Variants in HECW2 observed in about 807,000 individuals in gnomAD.
HECW2 encodes HECT, C2 and WW domain containing E3 ubiquitin protein ligase 2.
Under a neutral mutation model 175.2 loss-of-function variants are expected in HECW2, and 61 were observed. The observed-to-expected ratio is 0.35, with a 90% confidence interval of 0.28 to 0.43. HECW2 has a LOEUF of 0.43. Ranked by LOEUF, HECW2 falls within the 20% of genes least tolerant of loss-of-function variation. The pLI, the probability that HECW2 is intolerant of heterozygous loss-of-function variation, is 1.00. For synonymous variants in HECW2, 671 were observed against 731.0 expected (o/e 0.92, Z 1.32); for missense variants, 1,524 against 2,000.5 (o/e 0.76, Z 4.54).
At chr2:196,362,818 C>A (rs1214880261) in intron 2 of HECW2, among the ~76,000 whole-genome samples, 1 of 152,102 alleles carries the variant, frequency 6.6e-6, no homozygotes, top group Non-Finnish European at 1.5e-5. Context: ...GCTGTTAGCC[C>A]ACCTGTGTCA....
chr2:196,478,514 C>G (rs1411258605), intron 1 of HECW2, among the ~76,000 whole-genome samples: 1 of 152,140 alleles, frequency 6.6e-6, no homozygotes, highest in African/African-American at 2.4e-5. Flanking sequence ...ACCCAACAAA[C>G]TGAGTGGATT....
intron 1 of HECW2, among the ~76,000 whole-genome samples, chr2:196,515,496 T>C (rs1688116059): frequency 6.6e-6 from 1 of 152,182 alleles, no homozygotes. Flanking sequence ...GGCGAGCACA[T>C]CACTGACCAG....
chr2:196,356,588 C>T (rs1348180100), intron 2 of HECW2, among the ~76,000 whole-genome samples: 5 of 152,128 alleles, frequency 3.3e-5, no homozygotes, highest in African/African-American at 1.2e-4. Context: ...GATCAGCTGT[C>T]ATGGTATCTC....
chr2:196,329,797 C>T, intron 4 of HECW2, 147 bp from the exon 5 acceptor site: 1 of 592,802 alleles, frequency 1.7e-6, no homozygotes, highest in Non-Finnish European at 3.0e-6. Context: ...AATCTTGGAA[C>T]AGAGACACAA....
chr2:196,443,832 C>G (rs1223666508), intron 1 of HECW2, among the ~76,000 whole-genome samples: 1 of 152,162 alleles, frequency 6.6e-6, no homozygotes, highest in African/African-American at 2.4e-5. Context: ...GAGTTGGAGA[C>G]CAGCCTGGCC....
At chr2:196,244,255 A>C (rs1688566444) in intron 19 of HECW2, among the ~76,000 whole-genome samples, 1 of 152,222 alleles carries the variant, frequency 6.6e-6, no homozygotes, top group Non-Finnish European at 1.5e-5. Context: ...TAAGTCCTGA[A>C]CTAGGTATAC....
chr2:196,225,401 G>A (rs2105831011), intron 23 of HECW2, among the ~76,000 whole-genome samples: 1 of 152,288 alleles, frequency 6.6e-6, no homozygotes, highest in East Asian at 1.9e-4. Context: ...ATAAAGGAGA[G>A]GGGGGCTGTG....
chr2:196,272,645 TTATGTA>T (rs2105967045), intron 16 of HECW2, among the ~76,000 whole-genome samples: 1 of 152,294 alleles, frequency 6.6e-6, no homozygotes, highest in East Asian at 1.9e-4. Context: ...TCTATTTTAG[TTATGTA>T]TATTTATATA....
chr2:196,408,477 T>A (rs1430585486), intron 2 of HECW2, among the ~76,000 whole-genome samples: 1 of 152,200 alleles, frequency 6.6e-6, no homozygotes, highest in Admixed American at 6.5e-5. Flanking sequence ...GTATCCAGTA[T>A]CTTATCCCCC....
At chr2:196,451,847 C>T (rs1052945165) in intron 1 of HECW2, among the ~76,000 whole-genome samples, 1 of 151,994 alleles carries the variant, frequency 6.6e-6, no homozygotes. Flanking sequence ...TGCAGTGAAC[C>T]GAGATCACAC....
chr2:196,349,351 T>C (rs1693085330), intron 2 of HECW2, among the ~76,000 whole-genome samples: 1 of 152,206 alleles, frequency 6.6e-6, no homozygotes, highest in Admixed American at 6.5e-5. Context: ...GAAATATAAT[T>C]ACAAAGAAAG....
intron 17 of HECW2, among the ~76,000 whole-genome samples, chr2:196,266,814 TA>T (rs1204884652): frequency 6.6e-6 from 1 of 152,064 alleles, no homozygotes; most frequent in Non-Finnish European, 1.5e-5. Flanking sequence ...ATTTTTAAAA[TA>T]AAAAAATTAA....
intron 21 of HECW2, among the ~76,000 whole-genome samples, chr2:196,229,620 C>T (rs376730987): frequency 3.0e-4 from 45 of 152,068 alleles, no homozygotes; most frequent in African/African-American, 1.0e-3. Flanking sequence ...TTTGAGGCTG[C>T]GTGAGCTATG....
intron 21 of HECW2, 36 bp from the exon 22 acceptor site, chr2:196,228,290 CT>C (rs1259670305): frequency 8.3e-6 from 13 of 1,573,392 alleles, no homozygotes; most frequent in Admixed American, 5.9e-5. Context: ...TAATCTGTTA[CT>C]TTTTTTCTAG....
intron 17 of HECW2, among the ~76,000 whole-genome samples, chr2:196,270,078 T>C (rs1221951662): frequency 6.6e-6 from 1 of 152,220 alleles, no homozygotes; most frequent in East Asian, 1.9e-4. Context: ...ATCACTGCTG[T>C]GGGCCAGGAT....
At chr2:196,592,723 A>AT (rs990604043) in intron 1 of HECW2, 5 of 152,188 alleles carry the variant, frequency 3.3e-5, no homozygotes, top group African/African-American at 1.2e-4. Flanking sequence ...GAGGAAAAAC[A>AT]AAGCCACCTC....
At chr2:196,259,591 T>C (rs1689205556) in intron 17 of HECW2, among the ~76,000 whole-genome samples, 1 of 152,188 alleles carries the variant, frequency 6.6e-6, no homozygotes, top group Non-Finnish European at 1.5e-5. Flanking sequence ...TATTAGAAAT[T>C]AGTGGTAGGC....
rs1692095953 is a variant in HECW2, at chr2:196,325,050, C to G, written c.671G>C (p.Cys224Ser). 1 of 1,612,184 alleles carries G rather than the reference C, an allele frequency of 6.2e-7. No homozygotes were observed. The highest frequency in any genetic ancestry group is 8.5e-7 in the Non-Finnish European group (1 of 1,179,306). ...QPGKKSSFPT[C>S]AHHGQERRST... ...CCGTCTCTCCTGCCCGTGGTGGGCA[C>G]AGGTGGGGAAACTGCTCTTCTTTCC... Residue 224 changes from cysteine to serine, a missense_variant, in exon 6 of 29, where the codon TGT becomes TCT. By Grantham distance (112) the Cys-to-Ser change is moderately radical. Transcript: ENST00000644978.
intron 1 of HECW2, among the ~76,000 whole-genome samples, chr2:196,450,441 CA>C (rs1696312227): frequency 6.6e-6 from 1 of 151,638 alleles, no homozygotes; most frequent in Non-Finnish European, 1.5e-5. Flanking sequence ...GTCTAGTCTC[CA>C]AATCTACTGA....
Sources: allele counts gnomAD v4.1 joint callset (sites outside exome capture counted in the v4.1 genomes callset), GRCh38; gene constraint gnomAD v4.1.1; transcripts MANE v1.5; gene names NCBI Gene and HGNC (gene_info 2026-07-23, HGNC 2026-07-21).